The following TLR2 variants were observed in gnomAD, a reference collection of about 807,000 sequenced individuals.
The protein encoded by TLR2 is toll like receptor 2.
TLR2 carries 7 observed loss-of-function variants against 9.1 expected under a neutral mutation model. That is an observed-to-expected ratio of 0.77 (90% CI 0.44 to 1.44). The LOEUF is 1.44. TLR2 is among the 40% of genes most tolerant of loss of function. TLR2 has a pLI of 0.01. For synonymous variants in TLR2, 317 were observed against 344.6 expected (o/e 0.92, Z 0.89); for missense variants, 812 against 904.6 (o/e 0.90, Z 1.31).
At chr4:153,702,601 A>G (rs1341257075) in intron 2 of TLR2, 5 of 285,678 alleles carry the variant, frequency 1.8e-5, no homozygotes, top group Non-Finnish European at 2.6e-5. Context: ...CACTCTTCCA[A>G]TCCATGTTAT....
intron 1 of TLR2, among the ~76,000 whole-genome samples, chr4:153,684,842 G>T (rs996440945): frequency 1.2e-4 from 18 of 152,142 alleles, no homozygotes; most frequent in African/African-American, 4.1e-4. Flanking sequence ...CGGCCCTCCC[G>T]CTTCCCTCAC....
At position 153,703,021 on chromosome 4, in the gene TLR2, C is replaced by A. The variant is rs5743697; in HGVS notation, c.114C>A (p.Gly38=). The A allele has an allele frequency of 1.1e-3, 1,808 of 1,613,970 alleles. 7 individuals carry two copies. The highest frequency in any genetic ancestry group is 0.01 in the African/African-American group (762 of 74,966). ...LSCDRNGICK[G]SSGSLNSIPS... ...GTGACCGCAATGGTATCTGCAAGGGCAGCTCAGGATCTTTAAACTCCATTC... is the reference window on the plus strand; with the variant it reads ...GTGACCGCAATGGTATCTGCAAGGGAAGCTCAGGATCTTTAAACTCCATTC... The change falls in exon 3 of 3, where the codon GGC becomes GGA. Residue 38 remains glycine (G), a synonymous_variant. Coordinates refer to ENST00000642700, the MANE Select transcript of TLR2 (RefSeq NM_001318789.2).
At position 153,704,070 on chromosome 4, in the gene TLR2, C is replaced by G. The variant is rs367889769; in HGVS notation, c.1163C>G (p.Ser388Cys). The change falls in exon 3 of 3, where the codon TCT becomes TGT. Residue 388 changes from serine (S) to cysteine (C), a missense_variant. Ser to Cys is a moderately radical substitution (Grantham distance 112). Coordinates refer to ENST00000642700, the MANE Select transcript of TLR2 (RefSeq NM_001318789.2). ...TCAGCCTGTGAGGATGCCTGGCCCT[C>G]TCTACAAACTTTAATTTTAAGGCAA... Reference protein sequence around the residue: ...KNSACEDAWPSLQTLILRQNH... With the variant: ...KNSACEDAWPCLQTLILRQNH... 5.2e-5 allele frequency: 84 copies of G among 1,613,954 alleles called. No individual in the cohort carries two copies. Among genetic ancestry groups the G allele is most frequent in the Admixed American group, 1.7e-5 (1 of 59,998 alleles).
chr4:153,693,938 G>A (rs1448431644), intron 2 of TLR2, among the ~76,000 whole-genome samples: 2 of 152,190 alleles, frequency 1.3e-5, no homozygotes, highest in African/African-American at 2.4e-5. Flanking sequence ...CAGCTCGGTC[G>A]TGGAGACCCT....
chr4:153,700,493 G>T (rs1578994571), intron 2 of TLR2, among the ~76,000 whole-genome samples: 2 of 152,240 alleles, frequency 1.3e-5, no homozygotes, highest in East Asian at 3.9e-4. Flanking sequence ...GTAATGATAT[G>T]AATAGTTCCC....
chr4:153,701,295 C>G (rs1365823301), intron 2 of TLR2, among the ~76,000 whole-genome samples: 1 of 152,100 alleles, frequency 6.6e-6, no homozygotes, highest in Non-Finnish European at 1.5e-5. Context: ...TTATAAAAGG[C>G]CTTGAGATGG....
intron 2 of TLR2, chr4:153,702,633 G>T: frequency 2.8e-6 from 1 of 358,952 alleles, no homozygotes; most frequent in Non-Finnish European, 5.1e-6. Context: ...CTGTAATTCC[G>T]GATGGTTGTG....
At position 153,703,725 on chromosome 4, in the gene TLR2, T is replaced by C. The variant is rs760448827; in HGVS notation, c.818T>C (p.Leu273Ser). Residue 273 changes from leucine to serine, a missense_variant, in exon 3 of 3, where the codon TTG becomes TCG. Transcript: ENST00000642700. ...AGTTTGTTTCAGGTTATGAAACTTTTGAATCAGATTTCTGGATTGTTAGAA... is the reference window on the plus strand; with the variant it reads ...AGTTTGTTTCAGGTTATGAAACTTTCGAATCAGATTTCTGGATTGTTAGAA... The part of the protein sequence containing the change: ...DESLFQVMKL[L>S]NQISGLLELE... The C allele has an allele frequency of 2.5e-6, 4 of 1,613,940 alleles. No homozygotes were observed. Among genetic ancestry groups the C allele is most frequent in the Non-Finnish European group, 3.4e-6 (4 of 1,179,978 alleles).
rs751213268 is a variant in TLR2, at chr4:153,703,347, A to T, written c.440A>T (p.His147Leu). The T allele has an allele frequency of 1.2e-6, 2 of 1,613,678 alleles. No individual in the cohort carries two copies. Among genetic ancestry groups the T allele is most frequent in the Non-Finnish European group, 1.7e-6 (2 of 1,179,930 alleles). ...KTLGETSLFSHLTKLQILRVG... is the reference protein window; with the variant it reads ...KTLGETSLFSLLTKLQILRVG... ...CTAGGGGAAACATCTCTTTTTTCTC[A>T]TCTCACAAAATTGCAAATCCTGAGA... Residue 147 changes from histidine to leucine, a missense_variant, in exon 3 of 3, where the codon CAT becomes CTT. By Grantham distance (99) the His-to-Leu change is moderately conservative. Coordinates refer to ENST00000642700, the MANE Select transcript of TLR2 (RefSeq NM_001318789.2).
At chr4:153,710,532 G>C, downstream of TLR2, 1 of 1,581,586 alleles carries the variant, frequency 6.3e-7, no homozygotes, top group Non-Finnish European at 8.6e-7. Context: ...CAGCCAAGTA[G>C]CAGAAATATT....
Position 153,703,607 on chromosome 4 carries a change from T to A in TLR2, c.700T>A (p.Leu234Met). 1 of 1,614,066 alleles carries A rather than the reference T, an allele frequency of 6.2e-7. No individual in the cohort carries two copies. Among genetic ancestry groups the A allele is most frequent in the Non-Finnish European group, 8.5e-7 (1 of 1,179,996 alleles). ...ATGTTTGGAACTGCGAGATACTGATTTGGACACTTTCCATTTTTCAGAACT... is the reference window on the plus strand; with the variant it reads ...ATGTTTGGAACTGCGAGATACTGATATGGACACTTTCCATTTTTCAGAACT... ...VECLELRDTD[L>M]DTFHFSELST... The change falls in exon 3 of 3, where the codon TTG becomes ATG. Residue 234 changes from leucine (L) to methionine (M), a missense_variant. Transcript: ENST00000642700.
intron 2 of TLR2, among the ~76,000 whole-genome samples, chr4:153,701,252 A>AG (rs1421345269): frequency 6.6e-6 from 1 of 152,196 alleles, no homozygotes; most frequent in Non-Finnish European, 1.5e-5. Context: ...CTAAGTCATG[A>AG]GGGGTCTTTC....
intron 2 of TLR2, among the ~76,000 whole-genome samples, chr4:153,697,068 A>G (rs1327908340): frequency 6.6e-6 from 1 of 152,144 alleles, no homozygotes; most frequent in Non-Finnish European, 1.5e-5. Flanking sequence ...AGAAAGAGAA[A>G]GAGTATAGAA....
chr4:153,694,665 CCTTT>C (rs1362863088), intron 2 of TLR2, among the ~76,000 whole-genome samples: 2 of 152,142 alleles, frequency 1.3e-5, no homozygotes, highest in Non-Finnish European at 2.9e-5. Context: ...AAGCATTTAT[CCTTT>C]CTTTGTGTTA....
Position 153,705,321 on chromosome 4 carries a change from T to C in TLR2, c.*59T>C, listed in dbSNP as rs1737267548. On this transcript the variant is annotated 3_prime_UTR_variant, in exon 3 of 3. Coordinates refer to ENST00000642700, the MANE Select transcript of TLR2 (RefSeq NM_001318789.2). ...GGGATCTTTATGTCACTAGTTATAG[T>C]TAAGTTCATTCAGACATAATTATAT... 1 of 1,472,218 alleles carries C rather than the reference T, an allele frequency of 6.8e-7. No individual in the cohort carries two copies. Among genetic ancestry groups the C allele is most frequent in the Non-Finnish European group, 9.1e-7 (1 of 1,102,444 alleles). The allele number at this position is 1,472,218 out of a possible 1,614,324, so 91.2% of individuals were successfully genotyped here.
Position 153,703,617 on chromosome 4 carries a change from T to C in TLR2, c.710T>C (p.Phe237Ser), listed in dbSNP as rs759196067. Residue 237 changes from phenylalanine (F) to serine (S), a missense_variant, in exon 3 of 3, where the codon TTC (phenylalanine) becomes TCC (serine). Physicochemically the swap from Phe to Ser is radical, Grantham distance 155. Coordinates refer to ENST00000642700, the MANE Select transcript of TLR2 (RefSeq NM_001318789.2). ...LELRDTDLDT[F>S]HFSELSTGET... The stretch of plus-strand genomic sequence containing the variant: ...CTGCGAGATACTGATTTGGACACTT[T>C]CCATTTTTCAGAACTATCCACTGGT... 3 of 1,613,874 alleles carry C rather than the reference T, an allele frequency of 1.9e-6. No individual in the cohort carries two copies. Among genetic ancestry groups the C allele is most frequent in the East Asian group, 2.2e-5 (1 of 44,886 alleles).
Position 153,705,410 on chromosome 4 carries a change from T to G in TLR2, c.*148T>G, listed in dbSNP as rs1737271810. 3.3e-6 allele frequency: 3 copies of G among 899,002 alleles called. No individual in the cohort carries two copies. The highest frequency in any genetic ancestry group is 4.8e-6 in the Non-Finnish European group (3 of 628,984). The allele number at this position is 899,002 out of a possible 1,614,324, so 55.7% of individuals were successfully genotyped here. On this transcript the variant is annotated 3_prime_UTR_variant, in exon 3 of 3. Coordinates refer to ENST00000642700, the MANE Select transcript of TLR2 (RefSeq NM_001318789.2). ...TACTAAAACTACAAAACTTCAAATT[T>G]TGTCTGGGGTGCTGTTTTATAAACA... is the stretch of plus-strand genomic sequence containing the variant.
At chr4:153,700,807 G>A (rs374988954) in intron 2 of TLR2, among the ~76,000 whole-genome samples, 66 of 151,476 alleles carry the variant, frequency 4.4e-4, no homozygotes, top group African/African-American at 1.5e-3. Context: ...ATGAACATTG[G>A]ATCAGAATAG....
chr4:153,705,396 C>A lies in TLR2; in HGVS notation c.*134C>A. On this transcript the variant is annotated 3_prime_UTR_variant, in exon 3 of 3. Transcript: ENST00000642700. ...TTTGAGGACTTGCTTACTAAAACTA[C>A]AAAACTTCAAATTTTGTCTGGGGTG... 9.6e-7 allele frequency: 1 copy of A among 1,037,366 alleles called. No individual in the cohort carries two copies. The highest frequency in any genetic ancestry group is 2.3e-5 in the South Asian group (1 of 42,848). The allele number at this position is 1,037,366 out of a possible 1,614,324, so 64.3% of individuals were successfully genotyped here. A position where few individuals can be genotyped will look rare whatever the true frequency, so the allele number is the denominator to read the frequency against.
Sources: gnomAD v4.1 joint callset for allele counts (sites outside exome capture counted in the v4.1 genomes callset) on GRCh38, gnomAD v4.1.1 for gene constraint, MANE v1.5 for transcripts, NCBI Gene and HGNC (gene_info 2026-07-23, HGNC 2026-07-21) for gene names.